The following LIN28A variants were observed in gnomAD, a reference collection of about 807,000 sequenced individuals.
LIN28A encodes the protein protein lin-28 homolog A.
A neutral mutation model predicts 21.1 loss-of-function variants in LIN28A; 11 were observed. That is an observed-to-expected ratio of 0.52 (90% CI 0.33 to 0.86). The LOEUF (loss-of-function observed/expected upper bound fraction) is 0.86. LIN28A is among the 40% of genes least tolerant of loss of function. LIN28A has a pLI of 0.03. For synonymous variants in LIN28A, 111 were observed against 108.7 expected (o/e 1.02, Z -0.13); for missense variants, 219 against 279.8 (o/e 0.78, Z 1.55).
At position 26,423,413 on chromosome 1, in the gene LIN28A, C is replaced by CTTTTTTTTTTTTTT. The variant is rs1202952934; in HGVS notation, c.229-1880_229-1867dup. On this transcript the variant is annotated intron_variant, in intron 2 of 3. Coordinates refer to ENST00000326279, the MANE Select transcript of LIN28A (RefSeq NM_024674.6). ...TTATGATTTCCTTTTTTTTCTTTTTCTTTTTTTTTTTTTTTTTTTTTTTGT... is the reference window on the plus strand; with the variant it reads ...TTATGATTTCCTTTTTTTTCTTTTTCTTTTTTTTTTTTTTTTTTTTTTTTTTTTTTTTTTTTTGT... 3.8e-3 allele frequency among the ~76,000 whole-genome samples: 301 copies of CTTTTTTTTTTTTTT among 78,820 alleles called. 5 individuals carry two copies. Among genetic ancestry groups the CTTTTTTTTTTTTTT allele is most frequent in the East Asian group, 6.0e-3 (13 of 2,166 alleles). 51.7% of individuals were successfully genotyped at this position (78,820 alleles called of 152,430 possible).
chr1:26,426,317 C>T lies in LIN28A; in HGVS notation c.489C>T (p.Phe163=). The T allele has an allele frequency of 6.2e-7, 1 of 1,614,234 alleles. No individual in the cohort carries two copies. Among genetic ancestry groups the T allele is most frequent in the Non-Finnish European group, 8.5e-7 (1 of 1,180,028 alleles). The change falls in exon 4 of 4, where the codon TTC becomes TTT. Residue 163 remains phenylalanine (F), a synonymous_variant. Coordinates refer to ENST00000326279, the MANE Select transcript of LIN28A (RefSeq NM_024674.6). ...CACCCCAGCCCAAGAAGTGCCACTTCTGCCAGAGCATCAGCCATATGGTAG... is the reference window on the plus strand; with the variant it reads ...CACCCCAGCCCAAGAAGTGCCACTTTTGCCAGAGCATCAGCCATATGGTAG... ...KLPPQPKKCH[F]CQSISHMVAS... is the part of the protein sequence containing the mutation.
chr1:26,414,412 CTT>C (rs2074981675), intron 2 of LIN28A, among the ~76,000 whole-genome samples: 1 of 152,102 alleles, frequency 6.6e-6, no homozygotes, highest in Admixed American at 6.5e-5. Context: ...AAAACATTTT[CTT>C]TTCCTTTCCA....
intron 2 of LIN28A, among the ~76,000 whole-genome samples, chr1:26,417,162 T>C (rs778656688): frequency 2.0e-5 from 3 of 152,230 alleles, no homozygotes; most frequent in Non-Finnish European, 4.4e-5. Flanking sequence ...CAGTACCTCC[T>C]GGTATAGGCG....
intron 2 of LIN28A, among the ~76,000 whole-genome samples, chr1:26,418,619 TC>T (rs1171589870): frequency 6.6e-6 from 1 of 151,774 alleles, no homozygotes; most frequent in Non-Finnish European, 1.5e-5. Context: ...CCATGTAGGC[TC>T]CCCACAGTCC....
chr1:26,417,474 C>A (rs759207621), intron 2 of LIN28A, among the ~76,000 whole-genome samples: 4 of 152,172 alleles, frequency 2.6e-5, no homozygotes, highest in Non-Finnish European at 5.9e-5. Context: ...AAATTACTTT[C>A]ATCAGCTGCT....
chr1:26,415,249 T>A (rs7535902), intron 2 of LIN28A, among the ~76,000 whole-genome samples: 27,076 of 152,160 alleles, frequency 0.18, 2,585 homozygotes, highest in Middle Eastern at 0.26. Flanking sequence ...AATTGCCCTG[T>A]AGCCAGGTGG....
At chr1:26,417,220 G>A (rs1227174835) in intron 2 of LIN28A, among the ~76,000 whole-genome samples, 1 of 152,242 alleles carries the variant, frequency 6.6e-6, no homozygotes, top group Non-Finnish European at 1.5e-5. Context: ...GCCATCTGGT[G>A]GAGAACTCCA....
rs767967712 is a variant in LIN28A, at chr1:26,426,290, G to T, written c.462G>T (p.Leu154=). ...GLDHHAKECK[L]PPQPKKCHFC... is the part of the protein sequence containing the mutation. ...ATCATCATGCCAAGGAATGCAAGCT[G>T]CCACCCCAGCCCAAGAAGTGCCACT... The change falls in exon 4 of 4, where the codon CTG becomes CTT. Residue 154 remains leucine, a synonymous_variant. Coordinates refer to ENST00000326279, the MANE Select transcript of LIN28A (RefSeq NM_024674.6). 3.1e-6 allele frequency: 5 copies of T among 1,614,184 alleles called. No homozygotes were observed. The highest frequency in any genetic ancestry group is 4.2e-6 in the Non-Finnish European group (5 of 1,180,034).
At position 26,410,913 on chromosome 1, in the gene LIN28A, C is replaced by A. The variant is rs2074953918; in HGVS notation, c.22C>A (p.Gln8Lys). 6.2e-7 allele frequency: 1 copy of A among 1,606,854 alleles called. No individual in the cohort carries two copies. The highest frequency in any genetic ancestry group is 1.8e-5 in the Admixed American group (1 of 56,958). The change falls in exon 1 of 4, where the codon CAG becomes AAG. Residue 8 changes from glutamine to lysine, a missense_variant. Gln to Lys is a moderately conservative substitution (Grantham distance 53). Around this residue, in one of 3 missense-constraint regions of LIN28A, gnomAD observed 50 missense variants for 49.0 expected, o/e 1.02. Transcript: ENST00000326279. Reference sequence around the variant, plus strand: ...GACCATGGGCTCCGTGTCCAACCAGCAGTTTGCAGGTTCGAGCTCGGGACT... The same window carrying A: ...GACCATGGGCTCCGTGTCCAACCAGAAGTTTGCAGGTTCGAGCTCGGGACT... MGSVSNQ[Q>K]FAGGCAKAAE...
intron 2 of LIN28A, among the ~76,000 whole-genome samples, chr1:26,415,814 C>A (rs1332261027): frequency 6.6e-6 from 1 of 152,002 alleles, no homozygotes; most frequent in Non-Finnish European, 1.5e-5. Context: ...GTGGAAGCCA[C>A]GGATTTAGTG....
intron 2 of LIN28A, among the ~76,000 whole-genome samples, chr1:26,421,042 G>A (rs2075025863): frequency 6.6e-6 from 1 of 151,112 alleles, no homozygotes; most frequent in Admixed American, 6.6e-5. Flanking sequence ...TTTTCTTGAT[G>A]GCTGCTGGCT....
Position 26,411,035 on chromosome 1 carries a change from G to T in LIN28A, c.31+113G>T. ...GCTGCCCAAAGGACCCCAAGACGGTGCGGCCTTCTGCTTCATAGGGCCGTC... is the reference window on the plus strand; with the variant it reads ...GCTGCCCAAAGGACCCCAAGACGGTTCGGCCTTCTGCTTCATAGGGCCGTC... On this transcript the variant is annotated intron_variant, in intron 1 of 3. Coordinates refer to ENST00000326279, the MANE Select transcript of LIN28A (RefSeq NM_024674.6). This position sits in a 1 kb window ranked among gnomAD's most constrained non-coding sequence, Gnocchi z 5.4. The T allele has an allele frequency of 7.4e-7, 1 of 1,352,074 alleles. No individual in the cohort carries two copies. The highest frequency in any genetic ancestry group is 2.5e-5 in the East Asian group (1 of 39,674). 83.8% of individuals were successfully genotyped at this position (1,352,074 alleles called of 1,614,324 possible). A position where few individuals can be genotyped will look rare whatever the true frequency, so the allele number is the denominator to read the frequency against.
rs576059503 is a variant in LIN28A at position 26,426,566 on chromosome 1, A to G, written c.*108A>G. The G allele has an allele frequency of 9.7e-6, 8 of 827,946 alleles. No homozygotes were observed. Among genetic ancestry groups the G allele is most frequent in the Admixed American group, 6.4e-5 (3 of 46,914 alleles). The allele number at this position is 827,946 out of a possible 1,614,324, so 51.3% of individuals were successfully genotyped here. ...TTGGGGCTAGTTGGCACTGCCATGT[A>G]TCTCAGGCTTGGGTTCACACCATCA... On this transcript the variant is annotated 3_prime_UTR_variant, in exon 4 of 4. Coordinates refer to ENST00000326279, the MANE Select transcript of LIN28A (RefSeq NM_024674.6).
chr1:26,420,251 CACCATGCCCG>C (rs1204657144), intron 2 of LIN28A, among the ~76,000 whole-genome samples: 1 of 152,138 alleles, frequency 6.6e-6, no homozygotes, highest in Admixed American at 6.5e-5. Context: ...AGTTGTGAGC[CACCATGCCCG>C]ACCTTACAAA....
At position 26,411,234 on chromosome 1, in the gene LIN28A, G is replaced by A. The variant is rs2074956628; in HGVS notation, c.32-152G>A. 17 of 804,448 alleles carry A rather than the reference G, an allele frequency of 2.1e-5. No individual in the cohort carries two copies. The highest frequency in any genetic ancestry group is 1.7e-4 in the South Asian group (9 of 53,788). The allele number at this position is 804,448 out of a possible 1,614,324, so 49.8% of individuals were successfully genotyped here. On this transcript the variant is annotated intron_variant, in intron 1 of 3. Transcript: ENST00000326279. This position sits in a 1 kb window ranked among gnomAD's most constrained non-coding sequence, Gnocchi z 5.4. ...CGCTAGGGGAACGCGGGAGGCGACC[G>A]GGATAGGTTTCTTCTCTTCTGTTGC...
At position 26,411,743 on chromosome 1, in the gene LIN28A, C is replaced by G. The variant is rs1033715036; in HGVS notation, c.228+161C>G. On this transcript the variant is annotated intron_variant, in intron 2 of 3. Coordinates refer to ENST00000326279, the MANE Select transcript of LIN28A (RefSeq NM_024674.6). The surrounding 1 kb of genome is among the most constrained non-coding windows in gnomAD (Gnocchi z 5.4). The stretch of plus-strand genomic sequence containing the variant: ...CCAATTCTGAGTCCCTGTTAACTAT[C>G]TCGTGGGGGAGTAGTGGGAGGCAGC... Among the ~76,000 whole-genome samples the G allele has an allele frequency of 2.0e-5, 3 of 152,230 alleles. No individual in the cohort carries two copies. Among genetic ancestry groups the G allele is most frequent in the African/African-American group, 7.2e-5 (3 of 41,450 alleles).
Position 26,411,494 on chromosome 1 carries a change from T to A in LIN28A, c.140T>A (p.Phe47Tyr), listed in dbSNP as rs771348710. 2 of 1,614,082 alleles carry A rather than the reference T, an allele frequency of 1.2e-6. No homozygotes were observed. The highest frequency in any genetic ancestry group is 1.7e-6 in the Non-Finnish European group (2 of 1,179,988). Residue 47 changes from phenylalanine to tyrosine, a missense_variant, in exon 2 of 4, where the codon TTC (phenylalanine) becomes TAC (tyrosine). Around this residue, in one of 3 missense-constraint regions of LIN28A, gnomAD observed 124 missense variants for 193.1 expected, o/e 0.64. Transcript: ENST00000326279. The surrounding 1 kb of genome is among the most constrained non-coding windows in gnomAD (Gnocchi z 5.4). ...CACGGTGCGGGCATCTGTAAGTGGTTCAACGTGCGCATGGGGTTCGGCTTC... is the reference window on the plus strand; with the variant it reads ...CACGGTGCGGGCATCTGTAAGTGGTACAACGTGCGCATGGGGTTCGGCTTC... ...LLHGAGICKW[F>Y]NVRMGFGFLS...
In LIN28A at chr1:26,426,611, G is replaced by A. The variant is rs776533676; in HGVS notation, c.*153G>A. 1.6e-6 allele frequency: 1 copy of A among 642,198 alleles called. No homozygotes were observed. Among genetic ancestry groups the A allele is most frequent in the Admixed American group, 2.7e-5 (1 of 36,668 alleles). 39.8% of individuals were successfully genotyped at this position (642,198 alleles called of 1,614,324 possible). ...CCATCACCCTTTCTTCCCTCTAGGT[G>A]GGGGGAAAGGGTGAGTCAAAGGAAC... On this transcript the variant is annotated 3_prime_UTR_variant, in exon 4 of 4. Transcript: ENST00000326279.
chr1:26,421,053 G>C lies in LIN28A; in HGVS notation c.229-4250G>C, dbSNP rs374221961. ...TTTTTTTTCTTGATGGCTGCTGGCT[G>C]TTTGCTAACTGCTTTATAAATATCA... On this transcript the variant is annotated intron_variant, in intron 2 of 3. Transcript: ENST00000326279. 8.6e-5 allele frequency among the ~76,000 whole-genome samples: 13 copies of C among 151,606 alleles called. No homozygotes were observed. In the East Asian group the frequency reaches 1.2e-3, roughly 14 times the overall value.
Sources: allele counts gnomAD v4.1 joint callset (sites outside exome capture counted in the v4.1 genomes callset), GRCh38; gene constraint gnomAD v4.1.1; regional missense constraint gnomAD v4.1.1; non-coding constraint Gnocchi (gnomAD v3.1); transcripts MANE v1.5; gene names NCBI Gene and HGNC (gene_info 2026-07-23, HGNC 2026-07-21).